Variants in SHANK2 observed in about 807,000 individuals in gnomAD.
SHANK2 encodes SH3 and multiple ankyrin repeat domains 2.
SHANK2 carries 43 observed loss-of-function variants against 133.7 expected under a neutral mutation model. The observed-to-expected ratio is 0.32, with a 90% CI of 0.25 to 0.41. The LOEUF is 0.41. Among genes scored for constraint, SHANK2 ranks in the 10% least tolerant of loss-of-function variants. The pLI, the probability that SHANK2 is intolerant of heterozygous loss-of-function variation, is 1.00. For synonymous variants in SHANK2, 1,017 were observed against 952.8 expected (o/e 1.07, Z -1.24); for missense variants, 1,994 against 2,235.8 (o/e 0.89, Z 2.18).
At chr11:70,842,640 G>A (rs1000692626) in intron 11 of SHANK2, among the ~76,000 whole-genome samples, 2 of 152,116 alleles carry the variant, frequency 1.3e-5, no homozygotes, top group Non-Finnish European at 2.9e-5. Context: ...TAGGTCCCTC[G>A]GCCAGGAGTG....
chr11:70,749,163 G>A (rs968512758), intron 14 of SHANK2, among the ~76,000 whole-genome samples: 34 of 152,300 alleles, frequency 2.2e-4, no homozygotes, highest in African/African-American at 7.7e-4. Flanking sequence ...CATCTTTCAG[G>A]CTGAAGGATT....
At chr11:70,791,354 C>T (rs1326459512) in intron 14 of SHANK2, among the ~76,000 whole-genome samples, 1 of 152,136 alleles carries the variant, frequency 6.6e-6, no homozygotes, top group African/African-American at 2.4e-5. Flanking sequence ...AATTAAGCAC[C>T]AATTTTCTAG....
chr11:70,888,930 C>T (rs1201701645), intron 11 of SHANK2, among the ~76,000 whole-genome samples: 7 of 152,186 alleles, frequency 4.6e-5, no homozygotes, highest in Admixed American at 2.0e-4. Context: ...GGCCCCACCA[C>T]GTGCCTAGCA....
intron 14 of SHANK2, among the ~76,000 whole-genome samples, chr11:70,780,383 G>A (rs1947455186): frequency 6.6e-6 from 1 of 152,090 alleles, no homozygotes; most frequent in African/African-American, 2.4e-5. Flanking sequence ...CCAGTAACCA[G>A]AAGCCCAGAT....
chr11:70,846,881 G>A (rs113046103), intron 11 of SHANK2, among the ~76,000 whole-genome samples: 7,459 of 152,126 alleles, frequency 0.049, 258 homozygotes, highest in Middle Eastern at 0.15. Context: ...GAGAGCCTTC[G>A]GTGCCTCCCA....
chr11:70,543,703 T>C (rs1280675471), intron 17 of SHANK2, among the ~76,000 whole-genome samples: 1 of 152,186 alleles, frequency 6.6e-6, no homozygotes, highest in African/African-American at 2.4e-5. Flanking sequence ...GCAAATTAAT[T>C]GAACCAGAGA....
At chr11:70,742,105 G>T (rs957830044) in intron 14 of SHANK2, among the ~76,000 whole-genome samples, 5 of 152,172 alleles carry the variant, frequency 3.3e-5, no homozygotes, top group African/African-American at 1.2e-4. Context: ...GTCCACCTAG[G>T]AAACTCCAAA....
intron 14 of SHANK2, among the ~76,000 whole-genome samples, chr11:70,720,691 T>G (rs1168637601): frequency 6.6e-6 from 1 of 152,244 alleles, no homozygotes; most frequent in Admixed American, 6.5e-5. Flanking sequence ...GTGGGACTGA[T>G]AGCTGTGTGT....
In SHANK2 at chr11:71,229,842, C is replaced by T. The variant is rs145312586; in HGVS notation, c.-112-5046G>A. 1.6e-3 allele frequency among the ~76,000 whole-genome samples: 244 copies of T among 151,232 alleles called. 2 individuals are homozygous for T. The highest frequency in any genetic ancestry group is 5.8e-3 in the African/African-American group (238 of 41,302). ...ACAATACATATTCAGGAACTGTATG[C>T]TGAAAGCTATGCAACACTGATGAAA... is the stretch of plus-strand genomic sequence containing the variant. On this transcript the variant is annotated intron_variant, in intron 1 of 25. Coordinates refer to ENST00000601538, the MANE Select transcript of SHANK2 (RefSeq NM_012309.5).
chr11:70,691,152 A>G (rs1945281590), intron 15 of SHANK2, among the ~76,000 whole-genome samples: 1 of 152,128 alleles, frequency 6.6e-6, no homozygotes, highest in African/African-American at 2.4e-5. Flanking sequence ...GAGTTCACTG[A>G]GAATGGATGA....
intron 11 of SHANK2, among the ~76,000 whole-genome samples, chr11:70,850,435 G>A (rs1450115071): frequency 6.6e-6 from 1 of 152,146 alleles, no homozygotes; most frequent in African/African-American, 2.4e-5. Flanking sequence ...CTCACTGGGG[G>A]CCAGGGTGGT....
At chr11:71,238,912 T>A (rs1017667060) in intron 1 of SHANK2, among the ~76,000 whole-genome samples, 32 of 152,100 alleles carry the variant, frequency 2.1e-4, no homozygotes, top group Non-Finnish European at 4.7e-4. Context: ...TAGGGGTGGG[T>A]TGCCCCTACA....
intron 14 of SHANK2, among the ~76,000 whole-genome samples, chr11:70,734,357 G>GTGAC (rs1190079274): frequency 6.6e-5 from 10 of 152,210 alleles, no homozygotes; most frequent in Non-Finnish European, 1.5e-5. Context: ...GTGTGTGAAG[G>GTGAC]TGACTTCAAA....
intron 17 of SHANK2, among the ~76,000 whole-genome samples, chr11:70,606,914 C>T (rs1591641296): frequency 6.6e-6 from 1 of 152,218 alleles, no homozygotes; most frequent in Non-Finnish European, 1.5e-5. Flanking sequence ...AATCTCTGCA[C>T]AGCCCTGGAG....
In SHANK2 at chr11:70,487,804, C is replaced by T; in HGVS notation, c.2573-84G>A. 2 of 1,548,158 alleles carry T rather than the reference C, an allele frequency of 1.3e-6. No individual in the cohort carries two copies. Among genetic ancestry groups the T allele is most frequent in the Admixed American group, 3.9e-5 (2 of 50,992 alleles). The stretch of plus-strand genomic sequence containing the variant: ...AGGAACGTGCGATACGCTACATCTC[C>T]ACAAACTCACAAATTCAGATGATGA... On this transcript the variant is annotated intron_variant, in intron 24 of 25. Transcript: ENST00000601538. This position sits in a 1 kb window ranked among gnomAD's most constrained non-coding sequence, Gnocchi z 5.8.
chr11:70,713,511 C>G (rs1333189129), intron 14 of SHANK2, among the ~76,000 whole-genome samples: 1 of 152,194 alleles, frequency 6.6e-6, no homozygotes, highest in Non-Finnish European at 1.5e-5. Flanking sequence ...TGTACGGAGC[C>G]GAGGGGGAGG....
chr11:70,650,429 A>C (rs1467586953), intron 17 of SHANK2, among the ~76,000 whole-genome samples: 3 of 152,292 alleles, frequency 2.0e-5, no homozygotes, highest in African/African-American at 7.2e-5. Context: ...CAATCCTCCC[A>C]GCTGTCTAGT....
chr11:70,644,271 G>C (rs2061229312), intron 17 of SHANK2, among the ~76,000 whole-genome samples: 1 of 152,108 alleles, frequency 6.6e-6, no homozygotes, highest in Non-Finnish European at 1.5e-5. Context: ...TGCATCTCCA[G>C]AACTTTCTCA....
intron 2 of SHANK2, among the ~76,000 whole-genome samples, chr11:71,202,337 C>T (rs1218410750): frequency 6.6e-6 from 1 of 152,198 alleles, no homozygotes; most frequent in Non-Finnish European, 1.5e-5. Context: ...GCACAGAGGG[C>T]ACACAACCAG....
Sources: gnomAD v4.1 joint callset for allele counts (sites outside exome capture counted in the v4.1 genomes callset) on GRCh38, gnomAD v4.1.1 for gene constraint, Gnocchi (gnomAD v3.1) non-coding constraint, MANE v1.5 for transcripts, NCBI Gene and HGNC (gene_info 2026-07-23, HGNC 2026-07-21) for gene names.